TRIM5: variants seen among roughly 807,000 people sequenced by gnomAD.
The protein encoded by TRIM5 is tripartite motif-containing protein 5.
TRIM5 carries 31 observed loss-of-function variants against 35.6 expected under a neutral mutation model. The observed-to-expected ratio is 0.87, with a 90% confidence interval of 0.65 to 1.18. TRIM5 has a LOEUF of 1.18. Ranked by LOEUF, TRIM5 falls within the 50% of genes most tolerant of loss-of-function variation. The pLI is 0.00. For missense variants in TRIM5, 609 were observed against 591.6 expected (o/e 1.03, Z -0.31); for synonymous variants, 243 against 215.6 (o/e 1.13, Z -1.11).
the TRIM5 span, among the ~76,000 whole-genome samples, chr11:5,627,189 C>T: frequency 6.6e-6 from 1 of 151,996 alleles, no homozygotes; most frequent in South Asian, 2.1e-4. Context: ...TGAGACCAGC[C>T]TGGCCAACAT....
chr11:5,669,967 T>C, intron 4 of TRIM5: 1 of 165,300 alleles, frequency 6.0e-6, no homozygotes, highest in South Asian at 1.2e-4. Context: ...AGAGCGAGAC[T>C]TCATCTGAAA....
At chr11:5,616,921 G>T in the TRIM5 span, among the ~76,000 whole-genome samples, 1 of 142,612 alleles carries the variant, frequency 7.0e-6, no homozygotes, top group Non-Finnish European at 1.5e-5. Flanking sequence ...ATTTTTAGTA[G>T]AGACAGTGTT....
the TRIM5 span, chr11:5,610,775 A>G: frequency 2.5e-6 from 4 of 1,613,772 alleles, no homozygotes; most frequent in Non-Finnish European, 3.4e-6. Context: ...CTTTTCCTAC[A>G]GTTGACGTGA....
At chr11:5,594,586 C>T in the TRIM5 span, among the ~76,000 whole-genome samples, 21 of 152,194 alleles carry the variant, frequency 1.4e-4, no homozygotes, top group Admixed American at 3.3e-4. Context: ...GGATTACAAG[C>T]GAGCCAACAT....
At chr11:5,593,542 T>A in the TRIM5 span, among the ~76,000 whole-genome samples, 1 of 152,060 alleles carries the variant, frequency 6.6e-6, no homozygotes, top group Admixed American at 6.6e-5. Context: ...ATTTTTTTTA[T>A]CACTATTTGG....
chr11:5,611,314 C>G, the TRIM5 span: 8 of 1,613,968 alleles, frequency 5.0e-6, no homozygotes, highest in East Asian at 1.8e-4. Context: ...TGTGTAATTC[C>G]TATGACCCTG....
the TRIM5 span, among the ~76,000 whole-genome samples, chr11:5,649,224 T>G: frequency 7.3e-3 from 1,105 of 152,324 alleles, 12 homozygotes; most frequent in African/African-American, 0.026. Flanking sequence ...TATACCAGAT[T>G]ATCTATAAAA....
At chr11:5,674,885 C>A (rs148581114) in intron 4 of TRIM5, among the ~76,000 whole-genome samples, 2 of 152,150 alleles carry the variant, frequency 1.3e-5, no homozygotes, top group Non-Finnish European at 2.9e-5. Context: ...TTTCCAGGAG[C>A]TGGGGTGTAG....
At chr11:5,677,511 G>A (rs575894805) in intron 4 of TRIM5, among the ~76,000 whole-genome samples, 1 of 152,228 alleles carries the variant, frequency 6.6e-6, no homozygotes. Flanking sequence ...TGGTGGGACT[G>A]TAAACTAGTT....
At chr11:5,635,090 C>T in the TRIM5 span, among the ~76,000 whole-genome samples, 1 of 151,806 alleles carries the variant, frequency 6.6e-6, no homozygotes, top group Non-Finnish European at 1.5e-5. Context: ...TCTCTAGGCC[C>T]CTATTATATG....
chr11:5,623,063 A>G, the TRIM5 span, among the ~76,000 whole-genome samples: 1 of 148,606 alleles, frequency 6.7e-6, no homozygotes, highest in Admixed American at 6.7e-5. Flanking sequence ...ATATTCATTT[A>G]TCTCACCTGA....
the TRIM5 span, among the ~76,000 whole-genome samples, chr11:5,601,802 T>G: frequency 6.6e-6 from 1 of 152,022 alleles, no homozygotes; most frequent in Admixed American, 6.5e-5. Context: ...GCCATTGCTG[T>G]TTCTTTGGTT....
chr11:5,657,668 A>G, the TRIM5 span, among the ~76,000 whole-genome samples: 1 of 93,154 alleles, frequency 1.1e-5, no homozygotes, highest in Non-Finnish European at 2.1e-5. Flanking sequence ...ATATATATTT[A>G]TAATATAATA....
the TRIM5 span, among the ~76,000 whole-genome samples, chr11:5,614,706 A>G: frequency 1.4e-4 from 21 of 152,204 alleles, no homozygotes; most frequent in Non-Finnish European, 2.6e-4. Flanking sequence ...TTATCCTAAT[A>G]TTTCCCAACA....
rs575074540 is a variant in TRIM5, at chr11:5,666,098, A to C, written c.768-17T>G. 4.4e-6 allele frequency: 7 copies of C among 1,582,184 alleles called. No individual in the cohort carries two copies. Among genetic ancestry groups the C allele is most frequent in the Non-Finnish European group, 6.0e-6 (7 of 1,170,254 alleles). On this transcript the variant is annotated splice_polypyrimidine_tract_variant and intron_variant, in intron 5 of 7. Coordinates refer to ENST00000380034, the MANE Select transcript of TRIM5 (RefSeq NM_033034.3). ...TTCTCCGTCCTAAGAATTAAAAAAA[A>C]AAAAAAAAACTTCCAAACCTTTGAC...
downstream of TRIM5, among the ~76,000 whole-genome samples, chr11:5,659,739 T>A (rs888061326): frequency 6.6e-6 from 1 of 151,858 alleles, no homozygotes; most frequent in African/African-American, 2.4e-5. Flanking sequence ...GGATTCTGTA[T>A]AATTCTCTGA....
At chr11:5,642,481 G>A in the TRIM5 span, 1 of 1,614,002 alleles carries the variant, frequency 6.2e-7, no homozygotes, top group East Asian at 2.2e-5. Context: ...CTCCAGATCT[G>A]AGTAGGATGC....
At chr11:5,649,975 A>G in the TRIM5 span, among the ~76,000 whole-genome samples, 1 of 152,206 alleles carries the variant, frequency 6.6e-6, no homozygotes, top group Non-Finnish European at 1.5e-5. Context: ...GATGGGGAAC[A>G]TAGCAAGTTC....
the TRIM5 span, chr11:5,632,325 C>G: frequency 6.2e-7 from 1 of 1,614,066 alleles, no homozygotes. Context: ...GCCAGGGAAG[C>G]AGTGCAATGG....
Sources: gnomAD v4.1 joint callset for allele counts (sites outside exome capture counted in the v4.1 genomes callset) on GRCh38, gnomAD v4.1.1 for gene constraint, MANE v1.5 for transcripts, NCBI Gene and HGNC (gene_info 2026-07-23, HGNC 2026-07-21) for gene names.